The following SLFN11 variants were observed in gnomAD, a reference collection of about 807,000 sequenced individuals.
The protein encoded by SLFN11 is schlafen family member 11.
In SLFN11, 43 loss-of-function variants were observed where a neutral mutation model predicts 53.4. The ratio of observed to expected loss-of-function variants is 0.80; its 90% CI spans 0.63 to 1.04. The LOEUF is 1.04. Among genes scored for constraint, SLFN11 ranks in the 50% least tolerant of loss-of-function variants. The pLI is 0.00. For missense variants in SLFN11, 990 were observed against 1,079.1 expected (o/e 0.92, Z 1.16); for synonymous variants, 389 against 394.7 (o/e 0.99, Z 0.17).
In SLFN11 at chr17:35,360,233, C is replaced by A; in HGVS notation, c.1198+10G>T. On this transcript the variant is annotated intron_variant, in intron 5 of 6. Transcript: ENST00000685675. ...AACTGGCTGGTGTTGAGAAGACAAA[C>A]CATAATTACCTGAAAATAAAAGTTG... The A allele has an allele frequency of 6.2e-7, 1 of 1,607,822 alleles. No individual in the cohort carries two copies. The highest frequency in any genetic ancestry group is 8.5e-7 in the Non-Finnish European group (1 of 1,178,056).
chr17:35,373,015 G>A (rs1348587568), intron 1 of SLFN11, among the ~76,000 whole-genome samples: 3 of 152,092 alleles, frequency 2.0e-5, no homozygotes, highest in African/African-American at 4.8e-5. Context: ...AAGGAAAATA[G>A]TTTAGAGTGG....
intron 5 of SLFN11, among the ~76,000 whole-genome samples, chr17:35,359,754 T>G (rs545448025): frequency 3.9e-5 from 6 of 152,260 alleles, no homozygotes; most frequent in Non-Finnish European, 5.9e-5. Flanking sequence ...ACCACTCCCG[T>G]GGAAAATCTG....
At position 35,351,756 on chromosome 17, in the gene SLFN11, G is replaced by A. The variant is rs1273899979; in HGVS notation, c.*600C>T. 3.3e-5 allele frequency: 5 copies of A among 152,630 alleles called. No homozygotes were observed. The highest frequency in any genetic ancestry group is 1.2e-4 in the African/African-American group (5 of 41,444). 9.5% of individuals were successfully genotyped at this position (152,630 alleles called of 1,614,324 possible). Reference sequence around the variant, plus strand: ...GGCCATTCTGAGAACAAGCTCTGGAGACCACAATTTTAAAGGATTAAATAA... The same window carrying A: ...GGCCATTCTGAGAACAAGCTCTGGAAACCACAATTTTAAAGGATTAAATAA... On this transcript the variant is annotated 3_prime_UTR_variant, in exon 7 of 7. Coordinates refer to ENST00000685675, the MANE Select transcript of SLFN11 (RefSeq NM_001376007.1).
chr17:35,352,931 C>T lies in SLFN11; in HGVS notation c.2131G>A (p.Asp711Asn), dbSNP rs1263628490. 1.9e-6 allele frequency: 3 copies of T among 1,614,182 alleles called. No homozygotes were observed. The East Asian group carries it at 6.7e-5, about 36-fold the overall frequency. Residue 711 changes from aspartate (D) to asparagine (N), a missense_variant, in exon 7 of 7, where the codon GAT becomes AAT. Physicochemically the swap from Asp to Asn is conservative, Grantham distance 23. Transcript: ENST00000685675. ...GAGAGAGGAGGGAGGCCACTGCAATCCAAGTGGCTGGTCTGAAAGTAATCC... is the reference window on the plus strand; with the variant it reads ...GAGAGAGGAGGGAGGCCACTGCAATTCAAGTGGCTGGTCTGAAAGTAATCC... ...FLDYFQTSHL[D>N]CSGLPPLSDQ...
Position 35,353,709 on chromosome 17 carries a change from G to A in SLFN11, c.1549C>T (p.Leu517=), listed in dbSNP as rs1357101710. 1.4e-6 allele frequency: 2 copies of A among 1,417,614 alleles called. No individual in the cohort carries two copies. The highest frequency in any genetic ancestry group is 5.0e-5 in the East Asian group (2 of 39,868). The allele number at this position is 1,417,614 out of a possible 1,614,324, so 87.8% of individuals were successfully genotyped here. A position where few individuals can be genotyped will look rare whatever the true frequency, so the allele number is the denominator to read the frequency against. ...GCCTCTGCGCTGCTCTCAGGACTCA[G>A]GCAGAGGACCTTGGCCCTGACACAC... ...KVCVRAKVLC[L]SPESSAEALE... is the part of the protein sequence containing the mutation. The change falls in exon 6 of 7, where the codon CTG becomes TTG. Residue 517 remains leucine, a synonymous_variant. Coordinates refer to ENST00000685675, the MANE Select transcript of SLFN11 (RefSeq NM_001376007.1).
In SLFN11 at chr17:35,352,616, C is replaced by G; in HGVS notation, c.2446G>C (p.Ala816Pro). 6.2e-7 allele frequency: 1 copy of G among 1,614,174 alleles called. No individual in the cohort carries two copies. Among genetic ancestry groups the G allele is most frequent in the South Asian group, 1.1e-5 (1 of 91,086 alleles). The part of the protein sequence containing the change: ...PKDVAVLVST[A>P]KEVEHYKYEL... ...TACTTATAGTGCTCCACTTCTTTTGCGGTGCTGACAAGCACAGCAACATCC... is the reference window on the plus strand; with the variant it reads ...TACTTATAGTGCTCCACTTCTTTTGGGGTGCTGACAAGCACAGCAACATCC... The change falls in exon 7 of 7, where the codon GCA becomes CCA. Residue 816 changes from alanine (A) to proline (P), a missense_variant. Ala to Pro is a conservative substitution (Grantham distance 27, BLOSUM62 -1). Around this residue, in one of 3 missense-constraint regions of SLFN11, gnomAD observed 313 missense variants for 320.9 expected, o/e 0.98. Transcript: ENST00000685675.
chr17:35,360,078 G>T (rs1908008033), intron 5 of SLFN11, 165 bp downstream of exon 5: 1 of 651,588 alleles, frequency 1.5e-6, no homozygotes, highest in Non-Finnish European at 2.5e-6. Flanking sequence ...GTCAGTAAGG[G>T]TTCATTTCTA....
At position 35,360,368 on chromosome 17, in the gene SLFN11, A is replaced by G. The variant is rs977290720; in HGVS notation, c.1073T>C (p.Leu358Pro). The G allele has an allele frequency of 2.5e-6, 4 of 1,598,656 alleles. No homozygotes were observed. In the African/African-American group the frequency reaches 4.1e-5, roughly 16 times the overall value. ...TTCAAAATCTTCAGACAACTGTAGA[A>G]GATCTTAAGAAAGAAAATTCATGTT... is the stretch of plus-strand genomic sequence containing the variant. ...VGMMTDTDPD[L>P]LQLSEDFECQ... Residue 358 changes from leucine to proline, a missense_variant, in exon 5 of 7, where the codon CTT becomes CCT. Around this residue, in one of 3 missense-constraint regions of SLFN11, gnomAD observed 521 missense variants for 516.2 expected, o/e 1.01. Transcript: ENST00000685675.
Position 35,363,740 on chromosome 17 carries a change from T to C in SLFN11, c.68A>G (p.Glu23Gly). Reference sequence around the variant, plus strand: ...TCTGTTTTCTTCTCCAAGAGTCACTTCTCCTACATTGATGACCAGGTCTGG... The same window carrying C: ...TCTGTTTTCTTCTCCAAGAGTCACTCCTCCTACATTGATGACCAGGTCTGG... ...SYPDLVINVG[E>G]VTLGEENRKK... Residue 23 changes from glutamate to glycine, a missense_variant, in exon 4 of 7, where the codon GAA becomes GGA. By Grantham distance (98) the Glu-to-Gly change is moderately conservative. This residue lies in a region of SLFN11 where 521 missense variants were observed against 516.2 expected (regional missense o/e 1.01). Coordinates refer to ENST00000685675, the MANE Select transcript of SLFN11 (RefSeq NM_001376007.1). The C allele has an allele frequency of 6.2e-7, 1 of 1,613,178 alleles. No homozygotes were observed. Among genetic ancestry groups the C allele is most frequent in the Non-Finnish European group, 8.5e-7 (1 of 1,179,480 alleles).
Position 35,362,775 on chromosome 17 carries a change from C to T in SLFN11, c.1033G>A (p.Glu345Lys), listed in dbSNP as rs541053267. 30 of 1,590,544 alleles carry T rather than the reference C, an allele frequency of 1.9e-5. No homozygotes were observed. In the African/African-American group the frequency reaches 3.3e-4, roughly 17 times the overall value. Reference protein sequence around the residue: ...EDKYVCSLTTEKWVGMMTDTD... With the variant: ...EDKYVCSLTTKKWVGMMTDTD... ...TCTGTCATCATGCCTACCCATTTCT[C>T]GGTTGTCAGGCTGCAGACGTACTTG... Residue 345 changes from glutamate to lysine, a missense_variant, in exon 4 of 7, where the codon GAG (glutamate) becomes AAG (lysine). Coordinates refer to ENST00000685675, the MANE Select transcript of SLFN11 (RefSeq NM_001376007.1).
At chr17:35,360,995 G>C (rs1908137103) in intron 4 of SLFN11, among the ~76,000 whole-genome samples, 1 of 152,110 alleles carries the variant, frequency 6.6e-6, no homozygotes, top group African/African-American at 2.4e-5. Flanking sequence ...ATGAGAAATT[G>C]TGTGAAATCA....
At chr17:35,353,195 A>T in intron 6 of SLFN11, 56 bp from the exon 7 acceptor site, 2 of 1,592,942 alleles carry the variant, frequency 1.3e-6, no homozygotes, top group Non-Finnish European at 8.5e-7. Context: ...AGGGGAGAAA[A>T]TAATTGTATC....
At chr17:35,368,404 T>C (rs1313939678) in intron 1 of SLFN11, among the ~76,000 whole-genome samples, 1 of 152,122 alleles carries the variant, frequency 6.6e-6, no homozygotes. Flanking sequence ...AGCAAAACCA[T>C]GCTGAATCCA....
At position 35,355,412 on chromosome 17, in the gene SLFN11, A is replaced by C. The variant is rs556287119; in HGVS notation, c.1199-1353T>G. 1.4e-4 allele frequency among the ~76,000 whole-genome samples: 21 copies of C among 152,170 alleles called. 1 individual carries two copies. Among genetic ancestry groups the C allele is most frequent in the South Asian group, 8.3e-4 (4 of 4,824 alleles). On this transcript the variant is annotated intron_variant, in intron 5 of 6. Transcript: ENST00000685675. ...AAGATACTGTCTCAAAAAATAAAAA[A>C]TAAAAGAGATCAAGTGATTTGCCCA...
At chr17:35,355,526 G>A (rs1445321423) in intron 5 of SLFN11, among the ~76,000 whole-genome samples, 1 of 152,082 alleles carries the variant, frequency 6.6e-6, no homozygotes, top group Non-Finnish European at 1.5e-5. Flanking sequence ...TGCCCTGCAA[G>A]TCACAGACTA....
Position 35,352,349 on chromosome 17 carries a change from G to A in SLFN11, c.*7C>T. The A allele has an allele frequency of 6.2e-7, 1 of 1,612,958 alleles. No homozygotes were observed. Among genetic ancestry groups the A allele is most frequent in the Non-Finnish European group, 8.5e-7 (1 of 1,179,012 alleles). On this transcript the variant is annotated 3_prime_UTR_variant, in exon 7 of 7. Transcript: ENST00000685675. ...CATTTACATAGCATTTTGATTTGGAGTTCTTCCTAATGGCCACCCCACGGA... is the reference window on the plus strand; with the variant it reads ...CATTTACATAGCATTTTGATTTGGAATTCTTCCTAATGGCCACCCCACGGA...
rs552949040 is a variant in SLFN11 at position 35,351,730 on chromosome 17, G to A, written c.*626C>T. ...CACTATCACAATTAAGGCTTGGTCT[G>A]GGCCATTCTGAGAACAAGCTCTGGA... On this transcript the variant is annotated 3_prime_UTR_variant, in exon 7 of 7. Coordinates refer to ENST00000685675, the MANE Select transcript of SLFN11 (RefSeq NM_001376007.1). 1 of 152,522 alleles carries A rather than the reference G, an allele frequency of 6.6e-6. No homozygotes were observed. The highest frequency in any genetic ancestry group is 2.1e-4 in the South Asian group (1 of 4,832). 9.4% of individuals were successfully genotyped at this position (152,522 alleles called of 1,614,324 possible). A position where few individuals can be genotyped will look rare whatever the true frequency, so the allele number is the denominator to read the frequency against.
At position 35,352,733 on chromosome 17, in the gene SLFN11, A is replaced by C; in HGVS notation, c.2329T>G (p.Leu777Val). The change falls in exon 7 of 7, where the codon TTA becomes GTA. Residue 777 changes from leucine to valine, a missense_variant. Leu to Val is a conservative substitution (Grantham distance 32, BLOSUM62 1). Coordinates refer to ENST00000685675, the MANE Select transcript of SLFN11 (RefSeq NM_001376007.1). ...ACAGTCAAGTATTTCTTAATTCGTA[A>C]GGTTCCCTGAACACCCTGGGACCAT... ...AEWSQGVQGT[L>V]RIKKYLTVEQ... 1 of 1,614,190 alleles carries C rather than the reference A, an allele frequency of 6.2e-7. No individual in the cohort carries two copies. The highest frequency in any genetic ancestry group is 8.5e-7 in the Non-Finnish European group (1 of 1,180,038).
chr17:35,360,720 C>T (rs950175891), intron 4 of SLFN11, among the ~76,000 whole-genome samples: 1 of 152,126 alleles, frequency 6.6e-6, no homozygotes, highest in Non-Finnish European at 1.5e-5. Flanking sequence ...CATCCCCTCT[C>T]CAACTGCCAC....
Sources: gnomAD v4.1 joint callset for allele counts (sites outside exome capture counted in the v4.1 genomes callset) on GRCh38, gnomAD v4.1.1 for gene constraint, gnomAD v4.1.1 regional missense constraint, MANE v1.5 for transcripts, NCBI Gene and HGNC (gene_info 2026-07-23, HGNC 2026-07-21) for gene names.